The following KCNC2 variants were observed in gnomAD, a reference collection of about 807,000 sequenced individuals.
KCNC2 encodes potassium voltage-gated channel subfamily C member 2, also known as voltage-gated potassium channel KCNC2.
Under a neutral mutation model 44.5 loss-of-function variants are expected in KCNC2, and 21 were observed. The ratio of observed to expected loss-of-function variants is 0.47; its 90% CI spans 0.33 to 0.68. The LOEUF (loss-of-function observed/expected upper bound fraction) is 0.68. Ranked by LOEUF, KCNC2 falls within the 30% of genes least tolerant of loss-of-function variation. KCNC2 has a pLI of 0.01. For missense variants in KCNC2, 589 were observed against 826.2 expected, an observed-to-expected ratio of 0.71 and a Z score of 3.52; for synonymous variants, 391 against 339.1, an observed-to-expected ratio of 1.15 and a Z score of -1.68.
At chr12:75,085,324 A>T (rs892882379) in intron 2 of KCNC2, among the ~76,000 whole-genome samples, 2 of 152,018 alleles carry the variant, frequency 1.3e-5, no homozygotes, top group Admixed American at 1.3e-4. Context: ...TACTATTATC[A>T]TCACTACCAT....
intron 2 of KCNC2, among the ~76,000 whole-genome samples, chr12:75,062,609 G>T (rs1882453522): frequency 6.6e-6 from 1 of 152,042 alleles, no homozygotes; most frequent in Non-Finnish European, 1.5e-5. Context: ...AAACTTGCAT[G>T]CATGGACAAA....
At chr12:75,091,639 T>C (rs1475849820) in intron 2 of KCNC2, among the ~76,000 whole-genome samples, 2 of 151,702 alleles carry the variant, frequency 1.3e-5, no homozygotes, top group East Asian at 1.9e-4. Flanking sequence ...TTTTGTTTAG[T>C]TTATTTTTTA....
At chr12:75,124,212 A>T (rs1888241233) in intron 2 of KCNC2, 1 of 152,230 alleles carries the variant, frequency 6.6e-6, no homozygotes, top group African/African-American at 2.4e-5. Flanking sequence ...CATATGATTA[A>T]TCTAGGGGAT....
intron 2 of KCNC2, among the ~76,000 whole-genome samples, chr12:75,115,461 A>T (rs749519811): frequency 1.3e-5 from 2 of 152,186 alleles, no homozygotes; most frequent in Non-Finnish European, 2.9e-5. Context: ...TCTAAATTTC[A>T]TCTACTTCAT....
chr12:75,078,792 T>C (rs2137069816), intron 2 of KCNC2, among the ~76,000 whole-genome samples: 1 of 152,284 alleles, frequency 6.6e-6, no homozygotes, highest in African/African-American at 2.4e-5. Flanking sequence ...GTTGTGAATA[T>C]ACTTTTAATG....
chr12:75,200,083 A>G (rs1052177404), intron 2 of KCNC2, among the ~76,000 whole-genome samples: 5 of 151,830 alleles, frequency 3.3e-5, no homozygotes, highest in Non-Finnish European at 5.9e-5. Flanking sequence ...GCAAATCCCT[A>G]AAATAATGAC....
At chr12:75,104,926 C>A (rs1886659016) in intron 2 of KCNC2, among the ~76,000 whole-genome samples, 1 of 151,956 alleles carries the variant, frequency 6.6e-6, no homozygotes, top group Admixed American at 6.6e-5. Flanking sequence ...TATATCAGTC[C>A]ATTTATTCAA....
At chr12:75,120,937 C>G (rs1888004907) in intron 2 of KCNC2, among the ~76,000 whole-genome samples, 1 of 152,174 alleles carries the variant, frequency 6.6e-6, no homozygotes, top group Admixed American at 6.5e-5. Flanking sequence ...ACAGATGTAA[C>G]TATATTGTAT....
At chr12:75,139,234 G>A (rs1889468251) in intron 2 of KCNC2, among the ~76,000 whole-genome samples, 1 of 152,028 alleles carries the variant, frequency 6.6e-6, no homozygotes, top group Non-Finnish European at 1.5e-5. Context: ...TCATTTTGCT[G>A]CACAAAAAAA....
chr12:75,069,973 T>G (rs1883237358), intron 2 of KCNC2, among the ~76,000 whole-genome samples: 1 of 152,190 alleles, frequency 6.6e-6, no homozygotes, highest in Non-Finnish European at 1.5e-5. Flanking sequence ...TCGAATTGGC[T>G]CCTCTGCAAC....
chr12:75,187,807 A>G (rs192659397), intron 2 of KCNC2, among the ~76,000 whole-genome samples: 38 of 152,348 alleles, frequency 2.5e-4, no homozygotes, highest in African/African-American at 8.7e-4. Context: ...GCATATACAC[A>G]TGTATTTAAA....
At chr12:75,163,144 G>A (rs1162800450) in intron 2 of KCNC2, among the ~76,000 whole-genome samples, 1 of 151,724 alleles carries the variant, frequency 6.6e-6, no homozygotes, top group African/African-American at 2.4e-5. Context: ...CCTTGTAAGG[G>A]GAGAGAGAGG....
intron 2 of KCNC2, among the ~76,000 whole-genome samples, chr12:75,129,146 A>T (rs1888651819): frequency 6.6e-6 from 1 of 152,148 alleles, no homozygotes; most frequent in Admixed American, 6.5e-5. Context: ...CTACTGTCTT[A>T]TAAAGACGGG....
rs566435667 is a variant in KCNC2 at position 75,040,512 on chromosome 12, T to A, written c.*2593A>T. On this transcript the variant is annotated 3_prime_UTR_variant, in exon 5 of 5. Coordinates refer to ENST00000549446, the MANE Select transcript of KCNC2 (RefSeq NM_139137.4). ...AAAAATACTCTCATTGCCAGAATTA[T>A]GTTTTTGTAATATTTATAATTGAGG... 2.0e-5 allele frequency: 3 copies of A among 152,728 alleles called. No homozygotes were observed. Among genetic ancestry groups the A allele is most frequent in the Non-Finnish European group, 4.4e-5 (3 of 68,124 alleles). 9.5% of individuals were successfully genotyped at this position (152,728 alleles called of 1,614,324 possible).
In KCNC2 at chr12:75,040,844, T is replaced by C; in HGVS notation, c.*2261A>G. ...CTAATGTGGGCCCATGAAGAGTAATTCAAAGAAGTGTGGGCCTTACTTGAA... is the reference window on the plus strand; with the variant it reads ...CTAATGTGGGCCCATGAAGAGTAATCCAAAGAAGTGTGGGCCTTACTTGAA... On this transcript the variant is annotated 3_prime_UTR_variant, in exon 5 of 5. Transcript: ENST00000549446. 2.2e-6 allele frequency: 1 copy of C among 452,378 alleles called. No individual in the cohort carries two copies. The highest frequency in any genetic ancestry group is 4.0e-6 in the Non-Finnish European group (1 of 248,232). 28.0% of individuals were successfully genotyped at this position (452,378 alleles called of 1,614,324 possible).
At chr12:75,048,131 A>G in intron 4 of KCNC2, 22 bp downstream of exon 4, 1 of 1,607,278 alleles carries the variant, frequency 6.2e-7, no homozygotes, top group Non-Finnish European at 8.5e-7. Context: ...ACCTGTTATG[A>G]TCTGATTAAA....
At chr12:75,101,824 C>T (rs1378023810) in intron 2 of KCNC2, among the ~76,000 whole-genome samples, 1 of 152,040 alleles carries the variant, frequency 6.6e-6, no homozygotes, top group Admixed American at 6.6e-5. Context: ...TCCTCTGTGG[C>T]TAAATTTAGC....
At chr12:75,097,734 A>T (rs763377394) in intron 2 of KCNC2, among the ~76,000 whole-genome samples, 9 of 152,188 alleles carry the variant, frequency 5.9e-5, no homozygotes, top group Non-Finnish European at 1.3e-4. Context: ...CTTTGAAGAC[A>T]GATAGACTAG....
intron 2 of KCNC2, among the ~76,000 whole-genome samples, chr12:75,146,264 G>GAGAAA (rs1463623819): frequency 6.6e-6 from 1 of 152,032 alleles, no homozygotes; most frequent in Non-Finnish European, 1.5e-5. Flanking sequence ...TTTTTCATCA[G>GAGAAA]AGATAATCAC....
Sources: allele counts gnomAD v4.1 joint callset (sites outside exome capture counted in the v4.1 genomes callset), GRCh38; gene constraint gnomAD v4.1.1; transcripts MANE v1.5; gene names NCBI Gene and HGNC (gene_info 2026-07-23, HGNC 2026-07-21).